Variants in TRPC4AP observed in about 807,000 individuals in gnomAD.
TRPC4AP encodes short transient receptor potential channel 4-associated protein.
Under a neutral mutation model 99.0 loss-of-function variants are expected in TRPC4AP, and 45 were observed. The ratio of observed to expected loss-of-function variants is 0.45; its 90% CI spans 0.36 to 0.58. TRPC4AP has a LOEUF of 0.58. Ranked by LOEUF, TRPC4AP falls within the 20% of genes least tolerant of loss-of-function variation. The pLI, the probability that TRPC4AP is intolerant of heterozygous loss-of-function variation, is 0.00. For synonymous variants in TRPC4AP, 408 were observed against 385.8 expected (o/e 1.06, Z -0.67); for missense variants, 879 against 985.3 (o/e 0.89, Z 1.44).
chr20:35,079,658 A>G (rs953441811), intron 1 of TRPC4AP, among the ~76,000 whole-genome samples: 3 of 152,178 alleles, frequency 2.0e-5, no homozygotes, highest in African/African-American at 7.2e-5. Flanking sequence ...AAAAGACAGA[A>G]ACACAAATTA....
At chr20:35,060,854 G>T (rs2083987185) in intron 3 of TRPC4AP, among the ~76,000 whole-genome samples, 1 of 151,988 alleles carries the variant, frequency 6.6e-6, no homozygotes, top group Admixed American at 6.6e-5. Context: ...CTGATAAAGG[G>T]CTTTTATTAA....
At position 35,003,733 on chromosome 20, in the gene TRPC4AP, G is replaced by A. The variant is rs1357706465; in HGVS notation, c.2050-117C>T. The A allele has an allele frequency of 8.9e-6, 10 of 1,119,002 alleles. No individual in the cohort carries two copies. The East Asian group carries it at 2.3e-4, about 26-fold the overall frequency. The allele number at this position is 1,119,002 out of a possible 1,614,324, so 69.3% of individuals were successfully genotyped here. A position where few individuals can be genotyped will look rare whatever the true frequency, so the allele number is the denominator to read the frequency against. On this transcript the variant is annotated intron_variant, in intron 17 of 18. Coordinates refer to ENST00000252015, the MANE Select transcript of TRPC4AP (RefSeq NM_015638.3). ...GGCCCCAGGCCTCGGGCCACCCACAGAGCTCTCCCTGCACAGAGGTGAGAT... is the reference window on the plus strand; with the variant it reads ...GGCCCCAGGCCTCGGGCCACCCACAAAGCTCTCCCTGCACAGAGGTGAGAT...
At chr20:35,040,987 C>G (rs1600573047) in intron 7 of TRPC4AP, among the ~76,000 whole-genome samples, 2 of 152,156 alleles carry the variant, frequency 1.3e-5, no homozygotes, top group East Asian at 1.9e-4. Context: ...CACCAGAGAT[C>G]TCCGTCTCTC....
At chr20:35,086,948 G>A (rs1331862181) in intron 1 of TRPC4AP, among the ~76,000 whole-genome samples, 1 of 151,818 alleles carries the variant, frequency 6.6e-6, no homozygotes, top group Admixed American at 6.6e-5. Context: ...CAGGGGAATC[G>A]CTTGAACCCG....
chr20:35,010,407 G>A (rs1600505155), intron 11 of TRPC4AP, 119 bp from the exon 12 acceptor site: 1 of 778,864 alleles, frequency 1.3e-6, no homozygotes, highest in Non-Finnish European at 2.1e-6. Flanking sequence ...GAAGCCACCA[G>A]GCACTTTCCT....
chr20:35,087,173 C>CAA (rs778236066), intron 1 of TRPC4AP, among the ~76,000 whole-genome samples: 16 of 118,728 alleles, frequency 1.3e-4, no homozygotes, highest in African/African-American at 3.0e-4. Context: ...ACTAAAAATA[C>CAA]AAAAAAAAAA....
chr20:35,011,352 A>T (rs992634838), intron 11 of TRPC4AP, among the ~76,000 whole-genome samples: 7 of 152,192 alleles, frequency 4.6e-5, no homozygotes, highest in African/African-American at 1.7e-4. Context: ...CAGAACACTG[A>T]CTTCAGCCTA....
chr20:35,070,196 G>A (rs1229470985), intron 2 of TRPC4AP, among the ~76,000 whole-genome samples: 1 of 152,116 alleles, frequency 6.6e-6, no homozygotes, highest in Non-Finnish European at 1.5e-5. Flanking sequence ...AGTCAACCAA[G>A]AATTGTTGAC....
intron 9 of TRPC4AP, among the ~76,000 whole-genome samples, chr20:35,020,744 G>C (rs2082866669): frequency 2.6e-5 from 4 of 152,128 alleles, no homozygotes; most frequent in Admixed American, 2.6e-4. Flanking sequence ...CCTCCGTCTT[G>C]GAACTACTTC....
chr20:35,021,222 A>G lies in TRPC4AP; in HGVS notation c.1186T>C (p.Cys396Arg). ...MYKLEVLYVL[C>R]VLLMGRQRNQ... ...CGCTGACGCCCCATCAGCAGCACGC[A>G]GAGGACATAGAGCACTTCCAGTTTG... is the stretch of plus-strand genomic sequence containing the variant. The change falls in exon 9 of 19, where the codon TGC becomes CGC. Residue 396 changes from cysteine to arginine, a missense_variant. By Grantham distance (180) the Cys-to-Arg change is radical. Coordinates refer to ENST00000252015, the MANE Select transcript of TRPC4AP (RefSeq NM_015638.3). The G allele has an allele frequency of 6.2e-7, 1 of 1,614,014 alleles. No individual in the cohort carries two copies. The highest frequency in any genetic ancestry group is 1.7e-5 in the Admixed American group (1 of 60,020).
intron 10 of TRPC4AP, 84 bp downstream of exon 10, chr20:35,015,924 A>G: frequency 6.4e-7 from 1 of 1,561,630 alleles, no homozygotes; most frequent in Non-Finnish European, 8.7e-7. Flanking sequence ...CAAAGGAAAA[A>G]AGGTCAAAGG....
At chr20:35,060,585 CAAAAAAAAAAAAAA>C (rs35143678) in intron 3 of TRPC4AP, among the ~76,000 whole-genome samples, 152 of 70,400 alleles carry the variant, frequency 2.2e-3, no homozygotes, top group Non-Finnish European at 3.0e-3. Context: ...ACCTTGTCTC[CAAAAAAAAAAAAAA>C]AAAAAAAAAA....
At chr20:35,021,106 A>T in intron 9 of TRPC4AP, 84 bp downstream of exon 9, 1 of 1,449,700 alleles carries the variant, frequency 6.9e-7, no homozygotes, top group Non-Finnish European at 9.4e-7. Flanking sequence ...ATTCTAACAG[A>T]AGGCCCAGTG....
intron 8 of TRPC4AP, among the ~76,000 whole-genome samples, chr20:35,029,078 T>C (rs921704050): frequency 1.3e-5 from 2 of 152,064 alleles, no homozygotes; most frequent in Non-Finnish European, 2.9e-5. Context: ...TGAAACCCCA[T>C]CTCTACTAAA....
chr20:35,005,729 G>A lies in TRPC4AP; in HGVS notation c.1902C>T (p.Ser634=), dbSNP rs1419152835. 1 of 1,614,062 alleles carries A rather than the reference G, an allele frequency of 6.2e-7. No homozygotes were observed. The highest frequency in any genetic ancestry group is 1.3e-5 in the African/African-American group (1 of 74,930). Residue 634 remains serine (S), a synonymous_variant, in exon 16 of 19, where the codon TCC becomes TCT. Coordinates refer to ENST00000252015, the MANE Select transcript of TRPC4AP (RefSeq NM_015638.3). ...SNMLVRCVTL[S]LDRFENQVDM... is the part of the protein sequence containing the mutation. Reference sequence around the variant, plus strand: ...CCACCTGGTTTTCAAATCGGTCCAGGGACAGAGTGACACAGCGCACCAGCA... The same window carrying A: ...CCACCTGGTTTTCAAATCGGTCCAGAGACAGAGTGACACAGCGCACCAGCA...
At chr20:35,071,754 T>C (rs2084322347) in intron 2 of TRPC4AP, among the ~76,000 whole-genome samples, 1 of 152,194 alleles carries the variant, frequency 6.6e-6, no homozygotes, top group Non-Finnish European at 1.5e-5. Flanking sequence ...TACACGTGCA[T>C]GTGTCTTTAT....
chr20:35,035,104 G>C lies in TRPC4AP; in HGVS notation c.1051+19C>G. ...CAAGGAAAAGCTCCCGATCACTCAG[G>C]GGACCCATCCTTCCATACCTTGATT... On this transcript the variant is annotated intron_variant, in intron 8 of 18. Transcript: ENST00000252015. The C allele has an allele frequency of 6.2e-7, 1 of 1,606,474 alleles. No homozygotes were observed. Among genetic ancestry groups the C allele is most frequent in the Non-Finnish European group, 8.5e-7 (1 of 1,175,260 alleles).
chr20:35,012,403 C>G (rs965644089), intron 11 of TRPC4AP, among the ~76,000 whole-genome samples: 2 of 152,352 alleles, frequency 1.3e-5, no homozygotes, highest in Admixed American at 1.3e-4. Context: ...CTGGCTGGAG[C>G]TGAGCTCACT....
chr20:35,080,397 A>T (rs2084604524), intron 1 of TRPC4AP, among the ~76,000 whole-genome samples: 1 of 152,006 alleles, frequency 6.6e-6, no homozygotes, highest in Non-Finnish European at 1.5e-5. Flanking sequence ...GCTACTCGGG[A>T]GGCTGAGGTG....
Sources: gnomAD v4.1 joint callset for allele counts (sites outside exome capture counted in the v4.1 genomes callset) on GRCh38, gnomAD v4.1.1 for gene constraint, MANE v1.5 for transcripts, NCBI Gene and HGNC (gene_info 2026-07-23, HGNC 2026-07-21) for gene names.